PIK3C2G: variants seen among roughly 807,000 people sequenced by gnomAD.
PIK3C2G encodes the protein phosphatidylinositol 3-kinase C2 domain-containing subunit gamma.
PIK3C2G carries 168 observed loss-of-function variants against 181.1 expected under a neutral mutation model. That is an observed-to-expected ratio of 0.93 (90% CI 0.82 to 1.05). The LOEUF (loss-of-function observed/expected upper bound fraction) is 1.05, where lower values mean the gene tolerates loss of function less well. Among genes scored for constraint, PIK3C2G ranks in the 50% least tolerant of loss-of-function variants. The pLI, the probability that PIK3C2G is intolerant of heterozygous loss-of-function variation, is 0.00. For missense variants in PIK3C2G, 1,869 were observed against 1,732.8 expected, an observed-to-expected ratio of 1.08 and a Z score of -1.40; for synonymous variants, 573 against 592.2, an observed-to-expected ratio of 0.97 and a Z score of 0.47.
intron 13 of PIK3C2G, among the ~76,000 whole-genome samples, chr12:18,376,868 G>T (rs1478158002): frequency 6.6e-6 from 1 of 152,170 alleles, no homozygotes; most frequent in Admixed American, 6.5e-5. Context: ...CTTCCACCAT[G>T]ATTGGAAGCT....
intron 22 of PIK3C2G, among the ~76,000 whole-genome samples, chr12:18,499,741 A>G (rs906309913): frequency 6.6e-5 from 10 of 152,144 alleles, no homozygotes; most frequent in Non-Finnish European, 1.3e-4. Flanking sequence ...TTTCTTATGC[A>G]CCCTTGTCTG....
At position 18,399,645 on chromosome 12, in the gene PIK3C2G, A is replaced by C. The variant is rs748399575; in HGVS notation, c.2127-14A>C. On this transcript the variant is annotated splice_polypyrimidine_tract_variant and intron_variant, in intron 15 of 32. Coordinates refer to ENST00000538779, the MANE Select transcript of PIK3C2G (RefSeq NM_001288772.2). ...AAACTCCAGTAAATTACAGTTTCCA[A>C]TCTGGTTTTTCAGACTCTCTGAAGA... is the stretch of plus-strand genomic sequence containing the variant. 6.6e-7 allele frequency: 1 copy of C among 1,514,332 alleles called. No homozygotes were observed. The highest frequency in any genetic ancestry group is 9.0e-7 in the Non-Finnish European group (1 of 1,114,128). 93.8% of individuals were successfully genotyped at this position (1,514,332 alleles called of 1,614,324 possible). A position where few individuals can be genotyped will look rare whatever the true frequency, so the allele number is the denominator to read the frequency against.
chr12:18,648,208 T>C lies in PIK3C2G; in HGVS notation c.*180T>C, dbSNP rs890245282. ...TATTTTCTACCTGTGCTTTCATTGT[T>C]TTTTCATAATCTTTTCTCCTTCAGT... is the stretch of plus-strand genomic sequence containing the variant. On this transcript the variant is annotated 3_prime_UTR_variant, in exon 33 of 33. Coordinates refer to ENST00000538779, the MANE Select transcript of PIK3C2G (RefSeq NM_001288772.2). 10 of 356,608 alleles carry C rather than the reference T, an allele frequency of 2.8e-5. No homozygotes were observed. The highest frequency in any genetic ancestry group is 5.0e-5 in the Non-Finnish European group (10 of 199,064). The allele number at this position is 356,608 out of a possible 1,614,324, so 22.1% of individuals were successfully genotyped here.
At chr12:18,535,484 G>A (rs892333266) in intron 24 of PIK3C2G, among the ~76,000 whole-genome samples, 2 of 151,890 alleles carry the variant, frequency 1.3e-5, no homozygotes, top group Admixed American at 6.6e-5. Flanking sequence ...TAATAATGGT[G>A]ACTATGGACA....
chr12:18,637,232 A>G (rs935616969), intron 31 of PIK3C2G, among the ~76,000 whole-genome samples: 11 of 152,100 alleles, frequency 7.2e-5, no homozygotes, highest in African/African-American at 2.4e-4. Context: ...AAAGATTAAC[A>G]GTATAAATTT....
rs533136811 is a variant in PIK3C2G, at chr12:18,616,257, G to A, written c.4182+6628G>A. Among the ~76,000 whole-genome samples the A allele has an allele frequency of 9.2e-5, 14 of 152,054 alleles. No individual in the cohort carries two copies. The South Asian group carries it at 1.9e-3, about 20-fold the overall frequency. ...GCAGTTTCAATTGTATTGAGAATTC[G>A]CTGAGTATAAAAAACTGTGGAAAAT... On this transcript the variant is annotated intron_variant, in intron 31 of 32. Coordinates refer to ENST00000538779, the MANE Select transcript of PIK3C2G (RefSeq NM_001288772.2).
chr12:18,717,496 T>A, the PIK3C2G span, among the ~76,000 whole-genome samples: 1 of 152,236 alleles, frequency 6.6e-6, no homozygotes, highest in South Asian at 2.1e-4. Context: ...ATCCCATATA[T>A]GCTGATGACT....
chr12:18,351,481 C>G (rs1940207623), intron 11 of PIK3C2G, among the ~76,000 whole-genome samples: 2 of 152,052 alleles, frequency 1.3e-5, no homozygotes, highest in African/African-American at 4.8e-5. Context: ...TTATCCTCAT[C>G]ATAGTACTAT....
intron 1 of PIK3C2G, among the ~76,000 whole-genome samples, chr12:18,267,442 T>C (rs775001366): frequency 1.3e-5 from 2 of 152,196 alleles, no homozygotes; most frequent in Non-Finnish European, 2.9e-5. Context: ...AGAAGTAAGA[T>C]CTTCTTTTAT....
intron 12 of PIK3C2G, among the ~76,000 whole-genome samples, chr12:18,367,115 T>A (rs1211766117): frequency 6.6e-6 from 1 of 152,094 alleles, no homozygotes; most frequent in Non-Finnish European, 1.5e-5. Context: ...TTCTAGATCA[T>A]GTGAGAAATA....
At chr12:18,583,601 A>AC (rs1202182631) in intron 29 of PIK3C2G, among the ~76,000 whole-genome samples, 1 of 152,048 alleles carries the variant, frequency 6.6e-6, no homozygotes, top group African/African-American at 2.4e-5. Flanking sequence ...AGCACAGAGC[A>AC]CCCACCACAC....
chr12:18,537,988 C>A (rs1943947921), intron 24 of PIK3C2G, among the ~76,000 whole-genome samples, 168 bp from the exon 25 acceptor site: 1 of 151,710 alleles, frequency 6.6e-6, no homozygotes, highest in South Asian at 2.1e-4. Flanking sequence ...TATTCAAAGC[C>A]TACAATTATG....
intron 13 of PIK3C2G, among the ~76,000 whole-genome samples, chr12:18,374,045 T>C (rs1942263566): frequency 6.6e-6 from 1 of 152,136 alleles, no homozygotes; most frequent in Admixed American, 6.5e-5. Flanking sequence ...AATAGTATGG[T>C]AGTTACTTAG....
At chr12:18,539,250 G>T (rs1343381093) in intron 25 of PIK3C2G, among the ~76,000 whole-genome samples, 1 of 151,852 alleles carries the variant, frequency 6.6e-6, no homozygotes, top group Non-Finnish European at 1.5e-5. Flanking sequence ...GTTAAATGAA[G>T]ATAACAACAT....
In PIK3C2G at chr12:18,568,536, T is replaced by C. The variant is rs1169553604; in HGVS notation, c.4011+1479T>C. 2.6e-5 allele frequency among the ~76,000 whole-genome samples: 4 copies of C among 152,128 alleles called. No homozygotes were observed. The East Asian group carries it at 7.7e-4, about 29-fold the overall frequency. ...CTGGCAGGCCGGAGACCAGAGGAGA[T>C]TATTTACCATCTGAGTCCCAAGACA... On this transcript the variant is annotated intron_variant, in intron 29 of 32. Coordinates refer to ENST00000538779, the MANE Select transcript of PIK3C2G (RefSeq NM_001288772.2).
intron 29 of PIK3C2G, among the ~76,000 whole-genome samples, chr12:18,577,638 A>G (rs1396793522): frequency 2.0e-5 from 3 of 152,186 alleles, no homozygotes; most frequent in Non-Finnish European, 4.4e-5. Flanking sequence ...CTGGAGTTTC[A>G]AGGAGGGGAA....
At chr12:18,471,727 A>G (rs1336819636) in intron 18 of PIK3C2G, among the ~76,000 whole-genome samples, 1 of 152,138 alleles carries the variant, frequency 6.6e-6, no homozygotes, top group Non-Finnish European at 1.5e-5. Context: ...AAAAAAATTT[A>G]TACTATTATT....
intron 11 of PIK3C2G, among the ~76,000 whole-genome samples, chr12:18,355,605 C>T (rs914744351): frequency 2.6e-5 from 4 of 152,094 alleles, no homozygotes; most frequent in Non-Finnish European, 5.9e-5. Flanking sequence ...GGGGCCTGGG[C>T]AGCATGCACC....
chr12:18,572,394 G>C (rs1945998388), intron 29 of PIK3C2G, among the ~76,000 whole-genome samples: 1 of 147,468 alleles, frequency 6.8e-6, no homozygotes, highest in East Asian at 2.0e-4. Context: ...ATATAATAAA[G>C]CTTTATGTTA....
Sources: allele counts gnomAD v4.1 joint callset (sites outside exome capture counted in the v4.1 genomes callset), GRCh38; gene constraint gnomAD v4.1.1; transcripts MANE v1.5; gene names NCBI Gene and HGNC (gene_info 2026-07-23, HGNC 2026-07-21).